COG5: variants seen among roughly 807,000 people sequenced by gnomAD.
COG5 encodes the protein conserved oligomeric Golgi complex subunit 5.
In COG5, 86 loss-of-function variants were observed where a neutral mutation model predicts 110.4. That is an observed-to-expected ratio of 0.78 (90% CI 0.65 to 0.93). The LOEUF is 0.93. Among genes scored for constraint, COG5 ranks in the 40% least tolerant of loss-of-function variants. The pLI, the probability that COG5 is intolerant of heterozygous loss-of-function variation, is 0.00. For synonymous variants in COG5, 360 were observed against 334.6 expected (o/e 1.08, Z -0.83); for missense variants, 1,077 against 987.0 (o/e 1.09, Z -1.22).
intron 21 of COG5, chr7:107,207,869 T>A (rs913775353): frequency 1.0e-6 from 1 of 985,440 alleles, no homozygotes; most frequent in Non-Finnish European, 1.2e-6. Flanking sequence ...TTCCCATTTA[T>A]TCAGCAGCAG....
intron 11 of COG5, among the ~76,000 whole-genome samples, chr7:107,324,203 A>T (rs1809557253): frequency 6.6e-6 from 1 of 152,216 alleles, no homozygotes; most frequent in African/African-American, 2.4e-5. Flanking sequence ...ATATTGACTT[A>T]TTTTTCTGGA....
At chr7:107,214,085 A>G (rs1462177270) in intron 19 of COG5, among the ~76,000 whole-genome samples, 2 of 152,264 alleles carry the variant, frequency 1.3e-5, no homozygotes, top group East Asian at 3.9e-4. Context: ...TATAACAAAA[A>G]CCAAATAGAA....
In COG5 at chr7:107,535,846, A is replaced by G. The variant is rs1235998680; in HGVS notation, c.418-8489T>C. ...TCACTCTGATACCAAAATCTGGCAG[A>G]GACACAACATAAAAAATTTCAGGCC... On this transcript the variant is annotated intron_variant, in intron 5 of 21. Coordinates refer to ENST00000297135, the MANE Select transcript of COG5 (RefSeq NM_006348.5). 2.6e-5 allele frequency among the ~76,000 whole-genome samples: 4 copies of G among 152,204 alleles called. No individual in the cohort carries two copies. The South Asian group carries it at 8.3e-4, about 31-fold the overall frequency.
At chr7:107,561,113 C>A (rs1444163892) in intron 1 of COG5, among the ~76,000 whole-genome samples, 3 of 152,128 alleles carry the variant, frequency 2.0e-5, no homozygotes, top group Non-Finnish European at 4.4e-5. Context: ...ATAGAGCTTA[C>A]AAAGATCAAA....
Position 107,527,279 on chromosome 7 carries a change from T to A in COG5, c.496A>T (p.Ser166Cys), listed in dbSNP as rs187988437. 3.1e-6 allele frequency: 5 copies of A among 1,610,342 alleles called. No homozygotes were observed. The highest frequency in any genetic ancestry group is 1.3e-5 in the African/African-American group (1 of 74,836). The change falls in exon 6 of 22, where the codon AGT becomes TGT. Residue 166 changes from serine (S) to cysteine (C), a missense_variant. Physicochemically the swap from Ser to Cys is moderately radical, Grantham distance 112. Coordinates refer to ENST00000297135, the MANE Select transcript of COG5 (RefSeq NM_006348.5). ...KRLQGQLQGG[S>C]REITKAAQSL... ...TGAGCAGCTTTTGTTATCTCTCTACTTCCCCCTTGCAGTTGTCCTTGGAGT... is the reference window on the plus strand; with the variant it reads ...TGAGCAGCTTTTGTTATCTCTCTACATCCCCCTTGCAGTTGTCCTTGGAGT...
chr7:107,303,242 G>A (rs1250617306), intron 11 of COG5, among the ~76,000 whole-genome samples: 1 of 151,874 alleles, frequency 6.6e-6, no homozygotes, highest in Non-Finnish European at 1.5e-5. Context: ...TTAGGGGACA[G>A]TATCATTTTC....
rs948757237 is a variant in COG5 at position 107,563,910 on chromosome 7, G to A, written c.-14C>T. 5.6e-6 allele frequency: 9 copies of A among 1,613,342 alleles called. No individual in the cohort carries two copies. Among genetic ancestry groups the A allele is most frequent in the Middle Eastern group, 3.3e-4 (2 of 6,014 alleles). On this transcript the variant is annotated 5_prime_UTR_variant, in exon 1 of 22. Transcript: ENST00000297135. Reference sequence around the variant, plus strand: ...GCCACCTTCCATGTTGGCAGGTGCCGGGTTGATGTCGTCAGCAGCAGAACG... The same window carrying A: ...GCCACCTTCCATGTTGGCAGGTGCCAGGTTGATGTCGTCAGCAGCAGAACG...
At chr7:107,209,437 T>C (rs956173817) in intron 21 of COG5, 1 of 175,734 alleles carries the variant, frequency 5.7e-6, no homozygotes, top group African/African-American at 2.4e-5. Context: ...TGACATATGA[T>C]AGCAAGTTTA....
At chr7:107,375,017 TG>T (rs1025285570) in intron 7 of COG5, among the ~76,000 whole-genome samples, 37 of 152,176 alleles carry the variant, frequency 2.4e-4, no homozygotes, top group African/African-American at 8.9e-4. Context: ...CTTTGAATCT[TG>T]TGTAGCTCCC....
chr7:107,546,444 T>TG (rs1563093874), intron 5 of COG5, among the ~76,000 whole-genome samples: 4 of 147,392 alleles, frequency 2.7e-5, no homozygotes, highest in African/African-American at 9.8e-5. Flanking sequence ...TGTTTTTTTT[T>TG]TTTTTTTTTG....
In COG5 at chr7:107,324,430, G is replaced by C. The variant is rs913346837; in HGVS notation, c.1108+10C>G. The C allele has an allele frequency of 2.0e-6, 3 of 1,499,298 alleles. No homozygotes were observed. The highest frequency in any genetic ancestry group is 2.8e-6 in the Non-Finnish European group (3 of 1,082,306). 92.9% of individuals were successfully genotyped at this position (1,499,298 alleles called of 1,614,324 possible). A position where few individuals can be genotyped will look rare whatever the true frequency, so the allele number is the denominator to read the frequency against. ...TTGAAATTAATTTTCAAAATAAGTA[G>C]TAAACTTACAGTTTGTTGCCATATG... On this transcript the variant is annotated intron_variant, in intron 11 of 21. Transcript: ENST00000297135.
At chr7:107,374,339 G>T (rs551798889) in intron 7 of COG5, among the ~76,000 whole-genome samples, 87 of 151,958 alleles carry the variant, frequency 5.7e-4, no homozygotes, top group Admixed American at 1.2e-3. Context: ...TATAATCCAA[G>T]AAAGCACTAC....
chr7:107,238,489 G>C (rs750461960), intron 17 of COG5, among the ~76,000 whole-genome samples: 1 of 152,136 alleles, frequency 6.6e-6, no homozygotes, highest in Non-Finnish European at 1.5e-5. Context: ...TTGACATACT[G>C]ATTTCAAGTT....
At chr7:107,241,368 G>A (rs1801607809) in intron 17 of COG5, among the ~76,000 whole-genome samples, 1 of 148,904 alleles carries the variant, frequency 6.7e-6, no homozygotes, top group Non-Finnish European at 1.5e-5. Flanking sequence ...TTTTTCGGTA[G>A]AATTCACTTT....
At chr7:107,451,971 A>G (rs1388264152) in intron 6 of COG5, among the ~76,000 whole-genome samples, 1 of 152,136 alleles carries the variant, frequency 6.6e-6, no homozygotes, top group Non-Finnish European at 1.5e-5. Flanking sequence ...TCAAGGATTA[A>G]TTATGTACAT....
At chr7:107,203,746 G>A (rs952681190) in intron 21 of COG5, 116 bp from the exon 22 acceptor site, 9 of 711,126 alleles carry the variant, frequency 1.3e-5, no homozygotes, top group Middle Eastern at 2.9e-4. Context: ...GTTAATGCTC[G>A]GTTTCACAAG....
At chr7:107,240,353 T>A (rs929113102) in intron 17 of COG5, among the ~76,000 whole-genome samples, 3 of 152,082 alleles carry the variant, frequency 2.0e-5, no homozygotes, top group South Asian at 2.1e-4. Context: ...GTAGCTTGGA[T>A]TATAGCTGCC....
intron 5 of COG5, among the ~76,000 whole-genome samples, chr7:107,540,086 A>G (rs947495977): frequency 6.6e-6 from 1 of 152,216 alleles, no homozygotes; most frequent in African/African-American, 2.4e-5. Context: ...ATTGGAGAAA[A>G]GCTGCAAAAA....
At chr7:107,377,169 A>G (rs1039688178) in intron 7 of COG5, among the ~76,000 whole-genome samples, 2 of 152,136 alleles carry the variant, frequency 1.3e-5, no homozygotes, top group Non-Finnish European at 1.5e-5. Flanking sequence ...AAATGTTTGG[A>G]AGAATTGCCC....
Sources: gnomAD v4.1 joint callset for allele counts (sites outside exome capture counted in the v4.1 genomes callset) on GRCh38, gnomAD v4.1.1 for gene constraint, MANE v1.5 for transcripts, NCBI Gene and HGNC (gene_info 2026-07-23, HGNC 2026-07-21) for gene names.